The following TRIM44 variants were observed in gnomAD, a reference collection of about 807,000 sequenced individuals.
TRIM44 encodes tripartite motif-containing protein 44.
Under a neutral mutation model 37.4 loss-of-function variants are expected in TRIM44, and 13 were observed. That is an observed-to-expected ratio of 0.35 (90% CI 0.23 to 0.55). The LOEUF is 0.55. Among genes scored for constraint, TRIM44 ranks in the 20% least tolerant of loss-of-function variants. The probability of loss-of-function intolerance (pLI) is 0.89; values close to 1 mark genes in which losing one functional copy is unlikely to be tolerated. For synonymous variants in TRIM44, 175 were observed against 157.2 expected (o/e 1.11, Z -0.85); for missense variants, 426 against 437.2 (o/e 0.97, Z 0.23).
intron 2 of TRIM44, 79 bp from the exon 3 acceptor site, chr11:35,725,845 A>AG: frequency 6.5e-7 from 1 of 1,527,074 alleles, no homozygotes; most frequent in Non-Finnish European, 8.9e-7. Context: ...TATTTTGGCC[A>AG]GGGCTGTATA....
intron 1 of TRIM44, 73 bp from the exon 2 acceptor site, chr11:35,685,186 T>C: frequency 7.7e-7 from 1 of 1,302,114 alleles, no homozygotes; most frequent in Middle Eastern, 1.9e-4. Flanking sequence ...TTTCATTGTC[T>C]TCCAAAATGC....
Position 35,738,693 on chromosome 11 carries a change from A to C in TRIM44, c.1007+3248A>C, listed in dbSNP as rs142408186. 2.6e-3 allele frequency among the ~76,000 whole-genome samples: 402 copies of C among 152,286 alleles called. 4 individuals carry two copies. The highest frequency in any genetic ancestry group is 9.3e-3 in the African/African-American group (386 of 41,562). ...TTTACCCTTTCAACAAGCCAAATAG[A>C]GTTTTGTTCCAAGGGCTTCTGTATT... is the stretch of plus-strand genomic sequence containing the variant. On this transcript the variant is annotated intron_variant, in intron 4 of 4. Transcript: ENST00000299413.
chr11:35,699,703 G>C (rs1263024012), intron 2 of TRIM44, among the ~76,000 whole-genome samples: 74 of 150,970 alleles, frequency 4.9e-4, no homozygotes, highest in African/African-American at 1.7e-3. Flanking sequence ...TCTAGAAAAT[G>C]CCGTCGTCTC....
At chr11:35,685,398 A>G in intron 2 of TRIM44, 62 bp downstream of exon 2, 1 of 1,416,498 alleles carries the variant, frequency 7.1e-7, no homozygotes, top group Non-Finnish European at 1.0e-6. Flanking sequence ...TCCTTGAGCT[A>G]AAATTGTGAG....
At chr11:35,798,986 A>T (rs1853330585) in intron 4 of TRIM44, among the ~76,000 whole-genome samples, 1 of 152,220 alleles carries the variant, frequency 6.6e-6, no homozygotes, top group African/African-American at 2.4e-5. Context: ...AAAAAGCAAC[A>T]AAAAAGAAAA....
At chr11:35,762,740 G>A (rs1390100520) in intron 4 of TRIM44, among the ~76,000 whole-genome samples, 5 of 152,108 alleles carry the variant, frequency 3.3e-5, no homozygotes, top group African/African-American at 1.2e-4. Flanking sequence ...TTGGCTTTGG[G>A]GTTAGAGGTT....
At chr11:35,675,473 T>C (rs917752701) in intron 1 of TRIM44, among the ~76,000 whole-genome samples, 7 of 152,254 alleles carry the variant, frequency 4.6e-5, no homozygotes, top group Admixed American at 1.3e-4. Flanking sequence ...TACTGTGTCA[T>C]GGGCCAAGAT....
At chr11:35,736,385 G>T (rs1852326374) in intron 4 of TRIM44, among the ~76,000 whole-genome samples, 1 of 152,064 alleles carries the variant, frequency 6.6e-6, no homozygotes, top group South Asian at 2.1e-4. Flanking sequence ...AGTGACCTAG[G>T]GTTCCTCAGA....
intron 4 of TRIM44, among the ~76,000 whole-genome samples, chr11:35,779,298 C>T (rs934652640): frequency 1.3e-5 from 2 of 152,282 alleles, no homozygotes; most frequent in African/African-American, 2.4e-5. Context: ...GTTGGAAAAG[C>T]GCAGTATTAG....
At chr11:35,668,215 A>G (rs1313341704) in intron 1 of TRIM44, among the ~76,000 whole-genome samples, 5 of 152,130 alleles carry the variant, frequency 3.3e-5, no homozygotes, top group East Asian at 1.9e-4. Flanking sequence ...TTTAGTTTCA[A>G]ACTTTTAAGT....
chr11:35,762,267 T>C (rs779457227), intron 4 of TRIM44, among the ~76,000 whole-genome samples: 1 of 152,242 alleles, frequency 6.6e-6, no homozygotes, highest in African/African-American at 2.4e-5. Context: ...ACAATCTTTC[T>C]AGATGGCATT....
Position 35,811,636 on chromosome 11 carries a change from T to TGAA in TRIM44, c.*5254_*5256dup, listed in dbSNP as rs2133889310. On this transcript the variant is annotated 3_prime_UTR_variant, in exon 5 of 5. Transcript: ENST00000299413. The stretch of plus-strand genomic sequence containing the variant: ...CTCAGAGGCCTTCAGGAGCCAAATG[T>TGAA]GAAGACTCAAGATGGTAGATACTGT... 6.6e-6 allele frequency: 1 copy of TGAA among 152,284 alleles called. No individual in the cohort carries two copies. Among genetic ancestry groups the TGAA allele is most frequent in the South Asian group, 2.1e-4 (1 of 4,822 alleles). 9.4% of individuals were successfully genotyped at this position (152,284 alleles called of 1,614,324 possible).
In TRIM44 at chr11:35,735,337, G is replaced by T. The variant is rs1279415223; in HGVS notation, c.988-89G>T. Reference sequence around the variant, plus strand: ...ATAAATGTATAGTCCATGCATTCAGGTTGGGAGAGGGGAGGGAAAAGAAAG... The same window carrying T: ...ATAAATGTATAGTCCATGCATTCAGTTTGGGAGAGGGGAGGGAAAAGAAAG... On this transcript the variant is annotated intron_variant, in intron 3 of 4. Transcript: ENST00000299413. The T allele has an allele frequency of 3.1e-6, 4 of 1,308,640 alleles. No individual in the cohort carries two copies. The African/African-American group carries it at 4.3e-5, about 14-fold the overall frequency. 81.1% of individuals were successfully genotyped at this position (1,308,640 alleles called of 1,614,324 possible).
intron 1 of TRIM44, among the ~76,000 whole-genome samples, chr11:35,669,377 A>C (rs1851365932): frequency 6.6e-6 from 1 of 152,096 alleles, no homozygotes; most frequent in African/African-American, 2.4e-5. Context: ...GATAGTAACA[A>C]GTTTAGTTTG....
At chr11:35,777,251 T>G (rs1852982593) in intron 4 of TRIM44, among the ~76,000 whole-genome samples, 1 of 152,220 alleles carries the variant, frequency 6.6e-6, no homozygotes, top group Non-Finnish European at 1.5e-5. Flanking sequence ...GTTTAAAGTC[T>G]GTTTTATCAG....
chr11:35,752,204 GTCCTAAGTATATA>G (rs1270979253), intron 4 of TRIM44, among the ~76,000 whole-genome samples: 1 of 149,504 alleles, frequency 6.7e-6, no homozygotes, highest in Non-Finnish European at 1.5e-5. Flanking sequence ...TGTCAGATTT[GTCCTAAGTATATA>G]TCAAATATAG....
intron 4 of TRIM44, among the ~76,000 whole-genome samples, chr11:35,748,327 C>T (rs1429502913): frequency 2.6e-5 from 4 of 152,116 alleles, no homozygotes; most frequent in African/African-American, 2.4e-5. Flanking sequence ...AAGGAGGACT[C>T]GAGGAAGTGA....
rs1851296738 is a variant in TRIM44 at position 35,663,413 on chromosome 11, C to G, written c.302C>G (p.Ser101Trp). Residue 101 changes from serine (S) to tryptophan (W), a missense_variant, in exon 1 of 5, where the codon TCG (serine) becomes TGG (tryptophan). Coordinates refer to ENST00000299413, the MANE Select transcript of TRIM44 (RefSeq NM_017583.6). Reference protein sequence around the residue: ...IESEAGEESESEEESESEEES... With the variant: ...IESEAGEESEWEEESESEEES... ...AGCGAGGCAGGGGAAGAGAGTGAGT[C>G]GGAGGAAGAGAGCGAGTCAGAGGAA... 1.9e-6 allele frequency: 3 copies of G among 1,584,084 alleles called. No homozygotes were observed. The highest frequency in any genetic ancestry group is 2.6e-6 in the Non-Finnish European group (3 of 1,164,074).
At chr11:35,678,610 T>C (rs1232495317) in intron 1 of TRIM44, among the ~76,000 whole-genome samples, 4 of 146,628 alleles carry the variant, frequency 2.7e-5, no homozygotes, top group African/African-American at 1.0e-4. Context: ...CTCTCCCCGC[T>C]CCCTCCCCTC....
Sources: allele counts gnomAD v4.1 joint callset (sites outside exome capture counted in the v4.1 genomes callset), GRCh38; gene constraint gnomAD v4.1.1; transcripts MANE v1.5; gene names NCBI Gene and HGNC (gene_info 2026-07-23, HGNC 2026-07-21).